PABPC4L: variants seen among roughly 807,000 people sequenced by gnomAD.
PABPC4L encodes poly(A) binding protein cytoplasmic 4 like, also known as polyadenylate-binding protein 4-like.
For missense variants in PABPC4L, 452 were observed against 451.4 expected (o/e 1.00, Z -0.01); for synonymous variants, 169 against 164.1 (o/e 1.03, Z -0.23).
At chr4:134,016,544 C>G in the PABPC4L span, among the ~76,000 whole-genome samples, 1 of 152,114 alleles carries the variant, frequency 6.6e-6, no homozygotes, top group Non-Finnish European at 1.5e-5. Flanking sequence ...TTCAGTTTTT[C>G]TCCTTCACAT....
At chr4:134,022,876 T>C in the PABPC4L span, among the ~76,000 whole-genome samples, 1 of 152,048 alleles carries the variant, frequency 6.6e-6, no homozygotes, top group South Asian at 2.1e-4. Flanking sequence ...TTTTAATATT[T>C]TAGTCTTTAA....
the PABPC4L span, among the ~76,000 whole-genome samples, chr4:133,988,819 T>C: frequency 4.6e-5 from 7 of 152,204 alleles, no homozygotes; most frequent in African/African-American, 1.7e-4. Context: ...AGGTTCTCCA[T>C]GAGGGCTCTG....
At chr4:134,037,038 A>G in the PABPC4L span, among the ~76,000 whole-genome samples, 4 of 136,540 alleles carry the variant, frequency 2.9e-5, no homozygotes, top group Non-Finnish European at 6.1e-5. Flanking sequence ...CCTGGGGGAC[A>G]AGAGCAAAAC....
chr4:134,128,169 C>T, the PABPC4L span, among the ~76,000 whole-genome samples: 17 of 152,138 alleles, frequency 1.1e-4, no homozygotes, highest in East Asian at 5.8e-4. Flanking sequence ...TTATGTTAAA[C>T]GACCAAACCT....
chr4:133,991,581 C>A, the PABPC4L span, among the ~76,000 whole-genome samples: 2 of 152,150 alleles, frequency 1.3e-5, no homozygotes, highest in African/African-American at 4.8e-5. Context: ...ACAAAGGTAG[C>A]TGTTTGTGCT....
At chr4:134,029,914 G>A in the PABPC4L span, among the ~76,000 whole-genome samples, 2 of 152,000 alleles carry the variant, frequency 1.3e-5, no homozygotes, top group African/African-American at 4.8e-5. Flanking sequence ...ACCCCATGCT[G>A]CTGTTCTCAT....
At chr4:134,020,388 A>T in the PABPC4L span, among the ~76,000 whole-genome samples, 2 of 152,110 alleles carry the variant, frequency 1.3e-5, no homozygotes, top group Admixed American at 6.6e-5. Context: ...GAAACAATCA[A>T]TGTTATTATC....
chr4:134,115,964 T>A, the PABPC4L span, among the ~76,000 whole-genome samples: 1 of 151,854 alleles, frequency 6.6e-6, no homozygotes, highest in African/African-American at 2.4e-5. Flanking sequence ...ATAAAAAAGA[T>A]AATGTACTGA....
the PABPC4L span, among the ~76,000 whole-genome samples, chr4:133,990,467 C>G: frequency 2.6e-5 from 4 of 152,138 alleles, no homozygotes; most frequent in South Asian, 8.3e-4. Flanking sequence ...CTCCCCATCC[C>G]CTTTCCTAAG....
chr4:134,101,336 A>T, the PABPC4L span, among the ~76,000 whole-genome samples: 1 of 151,478 alleles, frequency 6.6e-6, no homozygotes, highest in Non-Finnish European at 1.5e-5. Flanking sequence ...CTCAGATTTG[A>T]TCTTACTAAT....
At chr4:134,081,995 G>A in the PABPC4L span, among the ~76,000 whole-genome samples, 1 of 152,126 alleles carries the variant, frequency 6.6e-6, no homozygotes, top group Non-Finnish European at 1.5e-5. Context: ...AAGAAAATGT[G>A]TGATGGATGT....
the PABPC4L span, among the ~76,000 whole-genome samples, chr4:133,951,814 T>C: frequency 6.6e-6 from 1 of 152,084 alleles, no homozygotes; most frequent in Non-Finnish European, 1.5e-5. Context: ...CCCCTTCTAG[T>C]AACTTAAAAT....
chr4:134,043,524 C>T, the PABPC4L span, among the ~76,000 whole-genome samples: 3 of 151,790 alleles, frequency 2.0e-5, no homozygotes, highest in Non-Finnish European at 4.4e-5. Context: ...GAAAAAAACA[C>T]AATTATATTA....
chr4:134,200,774 A>G lies in PABPC4L; in HGVS notation c.246T>C (p.Arg82=). The G allele has an allele frequency of 1.9e-6, 3 of 1,551,752 alleles. No individual in the cohort carries two copies. In the South Asian group the frequency reaches 3.6e-5, roughly 18 times the overall value. The stretch of plus-strand genomic sequence containing the variant: ...AGGCATCGCGCTGAGACCACATGAG[A>G]CGGATGGATTTGCCTTTTATGATGT... ...NFDIIKGKSI[R]LMWSQRDAYL... The change falls in exon 2 of 2, where the codon CGT becomes CGC. Residue 82 remains arginine (R), a synonymous_variant. Transcript: ENST00000421491.
At chr4:134,087,177 A>G in the PABPC4L span, among the ~76,000 whole-genome samples, 4 of 152,016 alleles carry the variant, frequency 2.6e-5, no homozygotes, top group Non-Finnish European at 5.9e-5. Context: ...CTTGGAACCA[A>G]CCCAAATGTC....
the PABPC4L span, among the ~76,000 whole-genome samples, chr4:134,110,490 A>G: frequency 1.0e-3 from 159 of 152,046 alleles, 1 homozygote; most frequent in Middle Eastern, 6.8e-3. Context: ...GTAACCATTA[A>G]TAAAATAGAA....
chr4:134,152,360 T>C, the PABPC4L span, among the ~76,000 whole-genome samples: 108,512 of 151,996 alleles, frequency 0.71, 40,472 homozygotes, highest in East Asian at 1. Context: ...ATGTAAGATC[T>C]TGGAGATTTC....
chr4:134,008,874 G>A, the PABPC4L span, among the ~76,000 whole-genome samples: 1 of 151,600 alleles, frequency 6.6e-6, no homozygotes, highest in African/African-American at 2.4e-5. Context: ...AACCTATTGA[G>A]GTTCAACAAT....
Position 134,200,878 on chromosome 4 carries a change from G to C in PABPC4L, c.142C>G (p.Arg48Gly), listed in dbSNP as rs1729846004. The C allele has an allele frequency of 1.3e-6, 2 of 1,561,250 alleles. No homozygotes were observed. Among genetic ancestry groups the C allele is most frequent in the East Asian group, 2.4e-5 (1 of 41,762 alleles). The stretch of plus-strand genomic sequence containing the variant: ...ACGTAGGCATAGCCCAGAGAGCGGC[G>C]GGTGACCTGGTCCCTGCAAATGCGG... The part of the protein sequence containing the change: ...SIRICRDQVT[R>G]RSLGYAYVNF... The change falls in exon 2 of 2, where the codon CGC (arginine) becomes GGC (glycine). Residue 48 changes from arginine to glycine, a missense_variant. By Grantham distance (125) the Arg-to-Gly change is moderately radical (BLOSUM62 -2). Transcript: ENST00000421491.
Sources: gnomAD v4.1 joint callset for allele counts (sites outside exome capture counted in the v4.1 genomes callset) on GRCh38, gnomAD v4.1.1 for gene constraint, MANE v1.5 for transcripts, NCBI Gene and HGNC (gene_info 2026-07-23, HGNC 2026-07-21) for gene names.